CYP2C18: variants seen among roughly 807,000 people sequenced by gnomAD.
CYP2C18 encodes the protein cytochrome P450 2C18.
In CYP2C18, 38 loss-of-function variants were observed where a neutral mutation model predicts 41.3. That is an observed-to-expected ratio of 0.92 (90% CI 0.71 to 1.21). CYP2C18 has a LOEUF of 1.21. Ranked by LOEUF, CYP2C18 falls within the 50% of genes most tolerant of loss-of-function variation. The pLI is 0.00. For missense variants in CYP2C18, 635 were observed against 591.4 expected (o/e 1.07, Z -0.77); for synonymous variants, 236 against 210.0 (o/e 1.12, Z -1.07).
Position 94,735,312 on chromosome 10 carries a change from A to G in CYP2C18, c.1341A>G (p.Leu447=), listed in dbSNP as rs1847901279. ...GEGLARMELF[L]FLTTILQNFN... ...GCCTGGCCCGCATGGAGCTGTTTTT[A>G]TTCCTGACCACCATTTTGCAGAACT... Residue 447 remains leucine, a synonymous_variant, in exon 9 of 9, where the codon TTA becomes TTG. Transcript: ENST00000285979. 6.2e-7 allele frequency: 1 copy of G among 1,613,590 alleles called. No homozygotes were observed. Among genetic ancestry groups the G allele is most frequent in the Admixed American group, 1.7e-5 (1 of 59,924 alleles).
chr10:94,732,576 G>A (rs1368159783), intron 7 of CYP2C18, among the ~76,000 whole-genome samples: 1 of 152,066 alleles, frequency 6.6e-6, no homozygotes, highest in African/African-American at 2.4e-5. Flanking sequence ...CATCCCAAAT[G>A]CCCATCCACA....
At chr10:94,688,492 T>C (rs575436567) in intron 3 of CYP2C18, among the ~76,000 whole-genome samples, 1 of 152,288 alleles carries the variant, frequency 6.6e-6, no homozygotes, top group Non-Finnish European at 1.5e-5. Flanking sequence ...CTAGCTATCT[T>C]GAAATACGCA....
chr10:94,691,069 C>A (rs1223617052), intron 3 of CYP2C18, among the ~76,000 whole-genome samples: 10 of 152,168 alleles, frequency 6.6e-5, no homozygotes, highest in Non-Finnish European at 1.2e-4. Context: ...CAATATCATA[C>A]TGAATGGACA....
At position 94,720,491 on chromosome 10, in the gene CYP2C18, T is replaced by C. The variant is rs201426134; in HGVS notation, c.915T>C (p.Thr305=). The C allele has an allele frequency of 4.3e-6, 7 of 1,613,458 alleles. No individual in the cohort carries two copies. In the South Asian group the frequency reaches 7.7e-5, roughly 18 times the overall value. ...FGAGTETTST[T]LRYGLLLLLK... ...CTGGAACAGAGACAACGAGCACCAC[T>C]CTGAGATATGGACTCCTGCTCCTGC... is the stretch of plus-strand genomic sequence containing the variant. Residue 305 remains threonine (T), a synonymous_variant, in exon 6 of 9, where the codon ACT becomes ACC. Coordinates refer to ENST00000285979, the MANE Select transcript of CYP2C18 (RefSeq NM_000772.3).
chr10:94,719,380 A>C (rs538664621), intron 5 of CYP2C18, among the ~76,000 whole-genome samples: 5 of 151,720 alleles, frequency 3.3e-5, no homozygotes, highest in Non-Finnish European at 5.9e-5. Flanking sequence ...TTTGATCCCC[A>C]CGCTTACAAC....
intron 4 of CYP2C18, among the ~76,000 whole-genome samples, chr10:94,697,510 C>T (rs1311150020): frequency 1.3e-5 from 2 of 152,156 alleles, no homozygotes; most frequent in African/African-American, 4.8e-5. Context: ...CAAACAGTAC[C>T]AGCCACTGCA....
chr10:94,692,484 C>T (rs905924931), intron 3 of CYP2C18, among the ~76,000 whole-genome samples: 2 of 152,098 alleles, frequency 1.3e-5, no homozygotes, highest in African/African-American at 2.4e-5. Flanking sequence ...TCATCTCACA[C>T]CAGTTAGAAT....
At chr10:94,731,623 C>T (rs1250016695) in intron 7 of CYP2C18, among the ~76,000 whole-genome samples, 1 of 152,034 alleles carries the variant, frequency 6.6e-6, no homozygotes, top group Non-Finnish European at 1.5e-5. Context: ...AACAGACACA[C>T]AGACCAATGG....
intron 4 of CYP2C18, among the ~76,000 whole-genome samples, chr10:94,705,010 T>G (rs1052539817): frequency 6.9e-6 from 1 of 145,714 alleles, no homozygotes; most frequent in Non-Finnish European, 1.5e-5. Flanking sequence ...AGAAACATAA[T>G]TTTTTGCAAG....
chr10:94,720,663 A>G, intron 6 of CYP2C18, 126 bp downstream of exon 6: 1 of 935,996 alleles, frequency 1.1e-6, no homozygotes, highest in Non-Finnish European at 1.6e-6. Context: ...CATTGGCTCT[A>G]AGTTGTCTAA....
At chr10:94,717,005 C>T (rs985958035) in intron 5 of CYP2C18, among the ~76,000 whole-genome samples, 1 of 151,980 alleles carries the variant, frequency 6.6e-6, no homozygotes, top group Admixed American at 6.6e-5. Context: ...GATTGCAACC[C>T]CTGCCTTTTT....
intron 6 of CYP2C18, 91 bp from the exon 7 acceptor site, chr10:94,724,255 A>G (rs1847694512): frequency 1.6e-6 from 2 of 1,262,384 alleles, no homozygotes; most frequent in African/African-American, 2.9e-5. Context: ...TGATGTTGGG[A>G]CCCCTTCCTT....
intron 5 of CYP2C18, among the ~76,000 whole-genome samples, chr10:94,713,230 G>C (rs1288610458): frequency 2.6e-5 from 4 of 151,540 alleles, no homozygotes; most frequent in Admixed American, 2.0e-4. Flanking sequence ...TGTGCACAAT[G>C]TGCAGGTTTG....
chr10:94,697,219 G>A (rs964142948), intron 4 of CYP2C18, among the ~76,000 whole-genome samples: 6 of 152,138 alleles, frequency 3.9e-5, no homozygotes, highest in African/African-American at 7.2e-5. Flanking sequence ...AATGTTAAGG[G>A]CAGCCAGAGA....
rs1847906613 is a variant in CYP2C18, at chr10:94,735,517, C to T, written c.*73C>T. The T allele has an allele frequency of 6.9e-7, 1 of 1,449,378 alleles. No individual in the cohort carries two copies. The highest frequency in any genetic ancestry group is 1.7e-5 in the Admixed American group (1 of 57,424). The allele number at this position is 1,449,378 out of a possible 1,614,324, so 89.8% of individuals were successfully genotyped here. A position where few individuals can be genotyped will look rare whatever the true frequency, so the allele number is the denominator to read the frequency against. ...CCCTTATCAGGGCCATTGGCCTCTCCCTTCTCTCTGTGAGGGATATTTTCT... is the reference window on the plus strand; with the variant it reads ...CCCTTATCAGGGCCATTGGCCTCTCTCTTCTCTCTGTGAGGGATATTTTCT... On this transcript the variant is annotated 3_prime_UTR_variant, in exon 9 of 9. Coordinates refer to ENST00000285979, the MANE Select transcript of CYP2C18 (RefSeq NM_000772.3).
chr10:94,719,232 T>G (rs1315010189), intron 5 of CYP2C18, among the ~76,000 whole-genome samples: 2 of 151,756 alleles, frequency 1.3e-5, no homozygotes, highest in Non-Finnish European at 2.9e-5. Context: ...TAAGATTGTA[T>G]ATATACAAAT....
chr10:94,688,104 T>A (rs1158949817), intron 2 of CYP2C18, 21 bp from the exon 3 acceptor site: 1 of 1,613,256 alleles, frequency 6.2e-7, no homozygotes, highest in Admixed American at 1.7e-5. Flanking sequence ...CCCTCGTAGC[T>A]TCTGTTTTCT....
chr10:94,715,331 CTTA>C (rs890040861), intron 5 of CYP2C18, among the ~76,000 whole-genome samples: 1 of 152,072 alleles, frequency 6.6e-6, no homozygotes, highest in African/African-American at 2.4e-5. Flanking sequence ...ATAAATAGCT[CTTA>C]TTATTTTGAG....
chr10:94,720,929 A>C (rs187338369), intron 6 of CYP2C18, among the ~76,000 whole-genome samples: 2 of 152,178 alleles, frequency 1.3e-5, no homozygotes, highest in East Asian at 3.9e-4. Context: ...ATGAGTAGAA[A>C]TTTTATTTCA....
Sources: allele counts gnomAD v4.1 joint callset (sites outside exome capture counted in the v4.1 genomes callset), GRCh38; gene constraint gnomAD v4.1.1; transcripts MANE v1.5; gene names NCBI Gene and HGNC (gene_info 2026-07-23, HGNC 2026-07-21).